NLRP12: variants seen among roughly 807,000 people sequenced by gnomAD.
NLRP12 encodes the protein NLR family pyrin domain containing 12, also known as NACHT, LRR and PYD domains-containing protein 12.
In NLRP12, 108 loss-of-function variants were observed where a neutral mutation model predicts 91.2. The observed-to-expected ratio is 1.18, with a 90% CI of 1.01 to 1.39. The LOEUF is 1.39. Among genes scored for constraint, NLRP12 ranks in the 40% most tolerant of loss-of-function variants. The probability of loss-of-function intolerance (pLI) is 0.00; values close to 1 mark genes in which losing one functional copy is unlikely to be tolerated. For synonymous variants in NLRP12, 613 were observed against 566.7 expected, an observed-to-expected ratio of 1.08 and a Z score of -1.16; for missense variants, 1,530 against 1,352.7, an observed-to-expected ratio of 1.13 and a Z score of -2.06.
At chr19:53,822,564 CTACAAAAAATACAAA>C (rs1363023540) in intron 1 of NLRP12, among the ~76,000 whole-genome samples, 1 of 151,848 alleles carries the variant, frequency 6.6e-6, no homozygotes, top group Non-Finnish European at 1.5e-5. Context: ...AACCCCGTCT[CTACAAAAAATACAAA>C]TACAAAAAAT....
chr19:53,795,959 A>C lies in NLRP12; in HGVS notation c.2998T>G (p.Leu1000Val), dbSNP rs1219838859. 4 of 1,614,032 alleles carry C rather than the reference A, an allele frequency of 2.5e-6. No individual in the cohort carries two copies. Among genetic ancestry groups the C allele is most frequent in the Non-Finnish European group, 3.4e-6 (4 of 1,180,028 alleles). Residue 1000 changes from leucine to valine, a missense_variant, in exon 9 of 10, where the codon TTG becomes GTG. Transcript: ENST00000324134. ...LYFTLGINQT[L>V]TDLYLTNNAL... ...TTGTTGGTCAGGTAAAGGTCGGTCA[A>C]GGTCTGGTTGATCCCCAGGGTGAAG...
At position 53,811,125 on chromosome 19, in the gene NLRP12, G is replaced by A. The variant is rs2092067485; in HGVS notation, c.534C>T (p.Asp178=). 6.2e-7 allele frequency: 1 copy of A among 1,614,088 alleles called. No homozygotes were observed. Among genetic ancestry groups the A allele is most frequent in the Non-Finnish European group, 8.5e-7 (1 of 1,180,032 alleles). ...CGGTCCTCGCGTGTCCCCGGCCTGTGTCCAGAAGCTGCTGCTGGACCTGCA... is the reference window on the plus strand; with the variant it reads ...CGGTCCTCGCGTGTCCCCGGCCTGTATCCAGAAGCTGCTGCTGGACCTGCA... ...NPMQVQQQLL[D]TGRGHARTVG... is the part of the protein sequence containing the mutation. The change falls in exon 3 of 10, where the codon GAC becomes GAT. Residue 178 remains aspartate, a synonymous_variant. Transcript: ENST00000324134.
In NLRP12 at chr19:53,794,012, G is replaced by A. The variant is rs1310796177; in HGVS notation, c.*37C>T. Reference sequence around the variant, plus strand: ...GATGAGCACCCTCCCATCTTCCTCTGTCCAGATCTCAGGGGAGAGCCAGCA... The same window carrying A: ...GATGAGCACCCTCCCATCTTCCTCTATCCAGATCTCAGGGGAGAGCCAGCA... On this transcript the variant is annotated 3_prime_UTR_variant, in exon 10 of 10. Transcript: ENST00000324134. 12 of 1,430,028 alleles carry A rather than the reference G, an allele frequency of 8.4e-6. No individual in the cohort carries two copies. Among genetic ancestry groups the A allele is most frequent in the Admixed American group, 6.7e-5 (4 of 59,734 alleles). The allele number at this position is 1,430,028 out of a possible 1,614,324, so 88.6% of individuals were successfully genotyped here. A position where few individuals can be genotyped will look rare whatever the true frequency, so the allele number is the denominator to read the frequency against.
intron 7 of NLRP12, among the ~76,000 whole-genome samples, chr19:53,798,742 AAAT>A (rs989028541): frequency 3.3e-5 from 5 of 151,916 alleles, no homozygotes; most frequent in African/African-American, 9.7e-5. Flanking sequence ...GTACAAAAAA[AAAT>A]TTTTTTTCTT....
In NLRP12 at chr19:53,811,245, C is replaced by T. The variant is rs752594693; in HGVS notation, c.414G>A (p.Arg138=). 3.1e-6 allele frequency: 5 copies of T among 1,614,024 alleles called. No individual in the cohort carries two copies. In the South Asian group the frequency reaches 5.5e-5, roughly 18 times the overall value. The change falls in exon 3 of 10, where the codon CGG becomes CGA. Residue 138 remains arginine (R), a synonymous_variant. Transcript: ENST00000324134. ...TYRDYVRRKF[R]LMEDRNARLG... is the part of the protein sequence containing the mutation. Reference sequence around the variant, plus strand: ...GGCGCGCATTGCGGTCTTCCATGAGCCGGAATTTCCTGCGGACATAGTCCC... The same window carrying T: ...GGCGCGCATTGCGGTCTTCCATGAGTCGGAATTTCCTGCGGACATAGTCCC...
In NLRP12 at chr19:53,804,011, C is replaced by G. The variant is rs2122592653; in HGVS notation, c.2526G>C (p.Leu842Phe). Residue 842 changes from leucine (L) to phenylalanine (F), a missense_variant, in exon 6 of 10, where the codon TTG becomes TTC. By Grantham distance (22) the Leu-to-Phe change is conservative (BLOSUM62 0). Transcript: ENST00000324134. Reference sequence around the variant, plus strand: ...GTCCCTGGCATAGTAACCTCAGGCCCAAATCCTCCAGTGCATTTCCTGTCA... The same window carrying G: ...GTCCCTGGCATAGTAACCTCAGGCCGAAATCCTCCAGTGCATTTCCTGTCA... ...LDLTGNALED[L>F]GLRLLCQGLR... is the part of the protein sequence containing the mutation. 4 of 1,614,148 alleles carry G rather than the reference C, an allele frequency of 2.5e-6. No homozygotes were observed. The highest frequency in any genetic ancestry group is 3.4e-6 in the Non-Finnish European group (4 of 1,180,028).
At chr19:53,802,638 C>T (rs538098011) in intron 6 of NLRP12, among the ~76,000 whole-genome samples, 1 of 151,024 alleles carries the variant, frequency 6.6e-6, no homozygotes, top group South Asian at 2.1e-4. Flanking sequence ...ACCCGGGAGG[C>T]GGAGCTTGCA....
chr19:53,823,839 T>C, intron 1 of NLRP12, 47 bp downstream of exon 1: 1 of 1,609,692 alleles, frequency 6.2e-7, no homozygotes, highest in African/African-American at 1.3e-5. Context: ...TATGAGTCAC[T>C]GGACCCGGCT....
chr19:53,809,894 TC>T lies in NLRP12; in HGVS notation c.1764del (p.Met589TrpfsTer42). 1 of 1,614,082 alleles carries T rather than the reference TC, an allele frequency of 6.2e-7. No homozygotes were observed. Among genetic ancestry groups the T allele is most frequent in the Non-Finnish European group, 8.5e-7 (1 of 1,180,036 alleles). On this transcript the variant is annotated frameshift_variant, in exon 3 of 10. Coordinates refer to ENST00000324134, the MANE Select transcript of NLRP12 (RefSeq NM_144687.4). LOFTEE classifies it high-confidence loss of function. ...CTTTGGATCCACTGCAACAGGTCCA[TC>T]TTGATGTGCGGCGAGACCTTCCAGC... ...SLCWKVSPHIKMDLLQWIQSK... is the reference protein window; with the variant it reads ...SLCWKVSPHIXMDLLQWIQSK...
At chr19:53,800,917 G>T (rs1295553981) in intron 7 of NLRP12, among the ~76,000 whole-genome samples, 1 of 151,964 alleles carries the variant, frequency 6.6e-6, no homozygotes, top group Non-Finnish European at 1.5e-5. Context: ...GATGTAGGCT[G>T]GGTGCAGTGG....
chr19:53,800,920 T>C (rs1600681993), intron 7 of NLRP12, among the ~76,000 whole-genome samples: 1 of 151,552 alleles, frequency 6.6e-6, no homozygotes, highest in African/African-American at 2.4e-5. Flanking sequence ...GTAGGCTGGG[T>C]GCAGTGGCTC....
intron 4 of NLRP12, among the ~76,000 whole-genome samples, chr19:53,806,697 A>G (rs2091963839): frequency 6.9e-6 from 1 of 144,716 alleles, no homozygotes; most frequent in South Asian, 2.2e-4. Flanking sequence ...AAAAAAAAAA[A>G]AAAAAAAGAA....
At chr19:53,808,079 T>TTA in intron 3 of NLRP12, 1 of 351,576 alleles carries the variant, frequency 2.8e-6, no homozygotes, top group South Asian at 2.2e-5. Context: ...TTTTTTTTTT[T>TTA]AGAGGGCCTT....
chr19:53,819,566 T>TAC (rs1568696155), intron 1 of NLRP12, among the ~76,000 whole-genome samples: 14 of 90,488 alleles, frequency 1.5e-4, no homozygotes, highest in South Asian at 3.6e-4. Context: ...TATACGTATA[T>TAC]ATATGCGTAT....
At chr19:53,802,493 G>A (rs1190764504) in intron 6 of NLRP12, among the ~76,000 whole-genome samples, 1 of 151,900 alleles carries the variant, frequency 6.6e-6, no homozygotes, top group African/African-American at 2.4e-5. Context: ...GGGTCACGAG[G>A]TCAGGAGATC....
Position 53,805,322 on chromosome 19 carries a change from C to A in NLRP12, c.2372G>T (p.Cys791Phe), listed in dbSNP as rs764737123. Residue 791 changes from cysteine (C) to phenylalanine (F), a missense_variant, in exon 5 of 10, where the codon TGC (cysteine) becomes TTC (phenylalanine). Coordinates refer to ENST00000324134, the MANE Select transcript of NLRP12 (RefSeq NM_144687.4). The part of the protein sequence containing the change: ...GVGFPGMMLL[C>F]EGLRHPQCRL... ...GCACTGGGGATGCCGCAGGCCCTCG[C>A]AAAGCAGCATCATGCCTGGGAATCC... The A allele has an allele frequency of 1.4e-5, 23 of 1,613,918 alleles. No individual in the cohort carries two copies. In the South Asian group the frequency reaches 2.5e-4, roughly 18 times the overall value.
At chr19:53,812,412 C>CA (rs59986011) in intron 2 of NLRP12, among the ~76,000 whole-genome samples, 1,190 of 118,474 alleles carry the variant, frequency 0.01, 7 homozygotes, top group East Asian at 0.03. Context: ...GACTCTGCCT[C>CA]AAAAAAAAAA....
rs1325400818 is a variant in NLRP12, at chr19:53,793,927, T to G, written c.*122A>C. 8.9e-6 allele frequency: 7 copies of G among 787,504 alleles called. No individual in the cohort carries two copies. Among genetic ancestry groups the G allele is most frequent in the Non-Finnish European group, 1.6e-5 (7 of 438,774 alleles). The allele number at this position is 787,504 out of a possible 1,614,324, so 48.8% of individuals were successfully genotyped here. Reference sequence around the variant, plus strand: ...ATTTGATCCCAAGCAGAGGGACTTTTGATCTCAATCTGCATGAGTCTGTCT... The same window carrying G: ...ATTTGATCCCAAGCAGAGGGACTTTGGATCTCAATCTGCATGAGTCTGTCT... On this transcript the variant is annotated 3_prime_UTR_variant, in exon 10 of 10. Transcript: ENST00000324134.
chr19:53,805,515 C>A, intron 4 of NLRP12, 65 bp from the exon 5 acceptor site: 40 of 1,351,892 alleles, frequency 3.0e-5, no homozygotes, highest in Non-Finnish European at 3.6e-5. Flanking sequence ...GGATTATTTT[C>A]TTTTGCTTTT....
Sources: gnomAD v4.1 joint callset for allele counts (sites outside exome capture counted in the v4.1 genomes callset) on GRCh38, gnomAD v4.1.1 for gene constraint, MANE v1.5 for transcripts, NCBI Gene and HGNC (gene_info 2026-07-23, HGNC 2026-07-21) for gene names.